ELP2: variants seen among roughly 807,000 people sequenced by gnomAD.
The protein encoded by ELP2 is elongator complex protein 2.
ELP2 carries 90 observed loss-of-function variants against 119.2 expected under a neutral mutation model. The ratio of observed to expected loss-of-function variants is 0.75; its 90% CI spans 0.64 to 0.90. ELP2 has a LOEUF of 0.90. ELP2 is among the 40% of genes least tolerant of loss of function. The pLI is 0.00. For missense variants in ELP2, 921 were observed against 967.8 expected, an observed-to-expected ratio of 0.95 and a Z score of 0.64; for synonymous variants, 339 against 331.0, an observed-to-expected ratio of 1.02 and a Z score of -0.26.
In ELP2 at chr18:36,167,185, A is replaced by T. The variant is rs2090934038; in HGVS notation, c.2039A>T (p.Asp680Val). The change falls in exon 19 of 22, where the codon GAC (aspartate) becomes GTC (valine). Residue 680 changes from aspartate (D) to valine (V), a missense_variant. Transcript: ENST00000358232. ...RIIWSCDWSPDSKYFFTGSRD... is the reference protein window; with the variant it reads ...RIIWSCDWSPVSKYFFTGSRD... ...ATTTGGTCTTGTGATTGGAGTCCTGACAGCAAGTATTTCTTCACTGGGAGT... is the reference window on the plus strand; with the variant it reads ...ATTTGGTCTTGTGATTGGAGTCCTGTCAGCAAGTATTTCTTCACTGGGAGT... The T allele has an allele frequency of 6.3e-7, 1 of 1,596,698 alleles. No individual in the cohort carries two copies. Among genetic ancestry groups the T allele is most frequent in the African/African-American group, 1.3e-5 (1 of 74,756 alleles).
At chr18:36,147,536 T>C (rs1026366000) in intron 11 of ELP2, among the ~76,000 whole-genome samples, 2 of 152,074 alleles carry the variant, frequency 1.3e-5, no homozygotes, top group African/African-American at 4.8e-5. Flanking sequence ...TGCCTCAGCC[T>C]CCTGAGTGGC....
chr18:36,136,522 T>C (rs939224717), intron 3 of ELP2, 145 bp downstream of exon 3: 1 of 716,870 alleles, frequency 1.4e-6, no homozygotes, highest in Non-Finnish European at 2.6e-6. Context: ...GGACTACAGG[T>C]GCCTGACACC....
rs532486589 is a variant in ELP2 at position 36,139,256 on chromosome 18, T to C, written c.523+384T>C. 1.0e-3 allele frequency among the ~76,000 whole-genome samples: 154 copies of C among 152,374 alleles called. 4 individuals are homozygous for C. Among genetic ancestry groups the C allele is most frequent in the African/African-American group, 3.6e-3 (150 of 41,596 alleles). On this transcript the variant is annotated intron_variant, in intron 5 of 21. Coordinates refer to ENST00000358232, the MANE Select transcript of ELP2 (RefSeq NM_018255.4). ...CATATGAGCATTTCTCTCAAAATGATAGCTCCTTCACATCCCGAATAATGA... is the reference window on the plus strand; with the variant it reads ...CATATGAGCATTTCTCTCAAAATGACAGCTCCTTCACATCCCGAATAATGA...
intron 11 of ELP2, among the ~76,000 whole-genome samples, chr18:36,150,929 C>T (rs1470686329): frequency 6.6e-6 from 1 of 152,052 alleles, no homozygotes; most frequent in Non-Finnish European, 1.5e-5. Context: ...AACTTCACCC[C>T]CAGACCATTT....
intron 19 of ELP2, among the ~76,000 whole-genome samples, chr18:36,167,994 A>G (rs553429892): frequency 1.5e-3 from 236 of 152,316 alleles, no homozygotes; most frequent in African/African-American, 5.5e-3. Context: ...ATGTTCTCCA[A>G]CATGACCTTC....
intron 11 of ELP2, among the ~76,000 whole-genome samples, chr18:36,147,407 T>TTTTGTTTG (rs71166096): frequency 0.36 from 53,373 of 149,252 alleles, 9,578 homozygotes; most frequent in Middle Eastern, 0.47. Flanking sequence ...TACTGACAGT[T>TTTTGTTTG]TTTGTTTGTT....
intron 1 of ELP2, among the ~76,000 whole-genome samples, chr18:36,132,965 G>A (rs1195244133): frequency 6.6e-6 from 1 of 152,130 alleles, no homozygotes; most frequent in African/African-American, 2.4e-5. Flanking sequence ...AGGAGAGTGA[G>A]CAGAAGCAGG....
At position 36,144,955 on chromosome 18, in the gene ELP2, T is replaced by G; in HGVS notation, c.813T>G (p.Phe271Leu). The G allele has an allele frequency of 6.2e-7, 1 of 1,613,842 alleles. No individual in the cohort carries two copies. Among genetic ancestry groups the G allele is most frequent in the Non-Finnish European group, 8.5e-7 (1 of 1,179,708 alleles). Residue 271 changes from phenylalanine (F) to leucine (L), a missense_variant, in exon 9 of 22, where the codon TTT becomes TTG. Transcript: ENST00000358232. The part of the protein sequence containing the change: ...TIENESVKIA[F>L]AVTLETVLAG... ...TTGTTATAGGTGTTAAAATAGCATTTGCTGTTACTCTGGAGACAGTGCTAG... is the reference window on the plus strand; with the variant it reads ...TTGTTATAGGTGTTAAAATAGCATTGGCTGTTACTCTGGAGACAGTGCTAG...
chr18:36,161,508 T>C (rs1192882454), intron 17 of ELP2, among the ~76,000 whole-genome samples: 1 of 152,058 alleles, frequency 6.6e-6, no homozygotes, highest in African/African-American at 2.4e-5. Context: ...CATCAGACTG[T>C]TTTTTGAGGA....
chr18:36,155,107 G>T, intron 12 of ELP2, 108 bp downstream of exon 12: 1 of 893,028 alleles, frequency 1.1e-6, no homozygotes, highest in Non-Finnish European at 1.8e-6. Context: ...CCGCCACCCA[G>T]GTTCAAGCGA....
chr18:36,170,092 T>C lies in ELP2; in HGVS notation c.2106T>C (p.Thr702=). 1 of 1,614,180 alleles carries C rather than the reference T, an allele frequency of 6.2e-7. No homozygotes were observed. ...TTGTCTGGGGTGAGTGCGACTCCAC[T>C]GATGACTGTATTGAGCACAACATTG... ...KVVVWGECDS[T]DDCIEHNIGP... The change falls in exon 20 of 22, where the codon ACT becomes ACC. Residue 702 remains threonine (T), a synonymous_variant. Coordinates refer to ENST00000358232, the MANE Select transcript of ELP2 (RefSeq NM_018255.4).
intron 1 of ELP2, among the ~76,000 whole-genome samples, chr18:36,131,214 A>G (rs1442039272): frequency 6.6e-6 from 1 of 152,202 alleles, no homozygotes; most frequent in Non-Finnish European, 1.5e-5. Flanking sequence ...ATTCAAATAT[A>G]TATATGAAAT....
intron 18 of ELP2, among the ~76,000 whole-genome samples, chr18:36,165,742 C>T (rs538824358): frequency 3.3e-5 from 5 of 151,796 alleles, no homozygotes; most frequent in African/African-American, 4.8e-5. Context: ...ATTGGCTGGG[C>T]GTGGTGGTGC....
At position 36,133,181 on chromosome 18, in the gene ELP2, T is replaced by C. The variant is rs1316725717; in HGVS notation, c.139-57T>C. The stretch of plus-strand genomic sequence containing the variant: ...ACACTGAAATCTGTTTTTACTTATT[T>C]ATTAATTTTTCTGTAGGATAAATTC... On this transcript the variant is annotated intron_variant, in intron 1 of 21. Coordinates refer to ENST00000358232, the MANE Select transcript of ELP2 (RefSeq NM_018255.4). 8.5e-6 allele frequency: 10 copies of C among 1,170,016 alleles called. No individual in the cohort carries two copies. In the East Asian group the frequency reaches 1.7e-4, roughly 20 times the overall value. The allele number at this position is 1,170,016 out of a possible 1,614,324, so 72.5% of individuals were successfully genotyped here.
rs752450625 is a variant in ELP2, at chr18:36,138,230, C to T, written c.289-40C>T. 1.9e-6 allele frequency: 3 copies of T among 1,579,060 alleles called. No homozygotes were observed. In the Admixed American group the frequency reaches 5.3e-5, roughly 28 times the overall value. On this transcript the variant is annotated intron_variant, in intron 3 of 21. Coordinates refer to ENST00000358232, the MANE Select transcript of ELP2 (RefSeq NM_018255.4). ...CCAATTAAATAAAGGTAAAAAAAAT[C>T]CTTTTTTTCACAATGCTTCTGTCAT...
At chr18:36,174,350 G>C (rs927462412) in intron 21 of ELP2, 135 bp from the exon 22 acceptor site, 7 of 871,896 alleles carry the variant, frequency 8.0e-6, no homozygotes, top group Non-Finnish European at 1.2e-5. Context: ...TATTTTCCAG[G>C]TTAAAATAAA....
Position 36,142,770 on chromosome 18 carries a change from T to C in ELP2, c.656-56T>C, listed in dbSNP as rs1265467171. ...ATATATTATAGACAAAAAAGTCTTA[T>C]ACATAAACTTCACAATATAATGTTT... On this transcript the variant is annotated intron_variant, in intron 7 of 21. Coordinates refer to ENST00000358232, the MANE Select transcript of ELP2 (RefSeq NM_018255.4). 3.3e-6 allele frequency: 4 copies of C among 1,209,296 alleles called. No individual in the cohort carries two copies. The African/African-American group carries it at 4.7e-5, about 14-fold the overall frequency. 74.9% of individuals were successfully genotyped at this position (1,209,296 alleles called of 1,614,324 possible).
chr18:36,163,764 G>C (rs1351042530), intron 17 of ELP2, among the ~76,000 whole-genome samples: 2 of 151,824 alleles, frequency 1.3e-5, no homozygotes, highest in Non-Finnish European at 2.9e-5. Context: ...CATATATGTG[G>C]GTCTGTTCCG....
chr18:36,172,637 C>T (rs985249787), intron 21 of ELP2, among the ~76,000 whole-genome samples: 6 of 152,192 alleles, frequency 3.9e-5, no homozygotes, highest in Non-Finnish European at 8.8e-5. Context: ...TTCCATGCTT[C>T]AGGCATTTGA....
Sources: gnomAD v4.1 joint callset for allele counts (sites outside exome capture counted in the v4.1 genomes callset) on GRCh38, gnomAD v4.1.1 for gene constraint, MANE v1.5 for transcripts, NCBI Gene and HGNC (gene_info 2026-07-23, HGNC 2026-07-21) for gene names.